CHRNA7: variants seen among roughly 807,000 people sequenced by gnomAD.
The protein encoded by CHRNA7 is neuronal acetylcholine receptor subunit alpha-7.
A neutral mutation model predicts 48.0 loss-of-function variants in CHRNA7; 17 were observed. The observed-to-expected ratio is 0.35, with a 90% CI of 0.24 to 0.53. CHRNA7 has a LOEUF of 0.53. Among genes scored for constraint, CHRNA7 ranks in the 20% least tolerant of loss-of-function variants. The pLI is 0.92. For synonymous variants in CHRNA7, 75 were observed against 242.3 expected, an observed-to-expected ratio of 0.31 and a Z score of 6.41; for missense variants, 155 against 577.7, an observed-to-expected ratio of 0.27 and a Z score of 7.50.
chr15:32,039,772 A>G (rs2049414340), intron 2 of CHRNA7, among the ~76,000 whole-genome samples: 2 of 152,082 alleles, frequency 1.3e-5, no homozygotes, highest in Admixed American at 1.3e-4. Context: ...CAATTGATGG[A>G]CAATGTTTTG....
rs1902169743 is a variant in CHRNA7 at position 32,037,899 on chromosome 15, A to G, written c.195+6862A>G. 6.6e-5 allele frequency among the ~76,000 whole-genome samples: 10 copies of G among 150,678 alleles called. No homozygotes were observed. The Admixed American group carries it at 6.6e-4, about 10-fold the overall frequency. The stretch of plus-strand genomic sequence containing the variant: ...TTTTTTCCCAGTCTATATACTTTTT[A>G]TTTCCTTTTTCTTGTCCTTTTGTAT... On this transcript the variant is annotated intron_variant, in intron 2 of 9. Coordinates refer to ENST00000306901, the MANE Select transcript of CHRNA7 (RefSeq NM_000746.6).
At chr15:32,047,293 C>T (rs1036036490) in intron 2 of CHRNA7, among the ~76,000 whole-genome samples, 1 of 148,226 alleles carries the variant, frequency 6.7e-6, no homozygotes, top group African/African-American at 2.6e-5. Flanking sequence ...TTGATTCCTC[C>T]TACCCATGAG....
In CHRNA7 at chr15:32,105,454, AGAG is replaced by A. The variant is rs986642516; in HGVS notation, c.240+4116_240+4118del. On this transcript the variant is annotated intron_variant, in intron 3 of 9. Transcript: ENST00000306901. The stretch of plus-strand genomic sequence containing the variant: ...GAAAAGAGGCGGAGGAGAAGGAGGA[AGAG>A]GAGGAGGAAGAGGAGGAGAGGAGGA... Among the ~76,000 whole-genome samples, 50 of 150,302 alleles carry A rather than the reference AGAG, an allele frequency of 3.3e-4. 1 individual carries two copies. The highest frequency in any genetic ancestry group is 7.1e-4 in the African/African-American group (29 of 40,576).
In CHRNA7 at chr15:32,031,567, TG is replaced by T. The variant is rs1177360254; in HGVS notation, c.195+533del. On this transcript the variant is annotated intron_variant, in intron 2 of 9. Coordinates refer to ENST00000306901, the MANE Select transcript of CHRNA7 (RefSeq NM_000746.6). ...TTTCACTGTGACCCCATCTTAGGAA[TG>T]GGCATGCTTTGCCTTCCTGGTGAGG... Among the ~76,000 whole-genome samples the T allele has an allele frequency of 2.0e-5, 3 of 152,340 alleles. No homozygotes were observed. In the East Asian group the frequency reaches 5.8e-4, roughly 29 times the overall value.
intron 4 of CHRNA7, among the ~76,000 whole-genome samples, chr15:32,138,136 A>G (rs1046474441): frequency 6.6e-6 from 1 of 152,188 alleles, no homozygotes; most frequent in African/African-American, 2.4e-5. Context: ...ACGAAGGACA[A>G]ATTGGTTTTA....
intron 2 of CHRNA7, among the ~76,000 whole-genome samples, chr15:32,052,917 G>A (rs536910350): frequency 2.0e-5 from 3 of 152,204 alleles, no homozygotes; most frequent in East Asian, 3.9e-4. Flanking sequence ...GTTTGAGGTG[G>A]TAGATACCCC....
chr15:32,083,066 T>C (rs2050240881), intron 2 of CHRNA7, among the ~76,000 whole-genome samples: 1 of 152,192 alleles, frequency 6.6e-6, no homozygotes, highest in African/African-American at 2.4e-5. Context: ...TTCTATAAAA[T>C]ATAAATTAGG....
intron 3 of CHRNA7, among the ~76,000 whole-genome samples, chr15:32,109,982 A>G (rs2050736416): frequency 6.6e-6 from 1 of 152,176 alleles, no homozygotes; most frequent in African/African-American, 2.4e-5. Context: ...CTCTCTGGCC[A>G]TCATTCAGCA....
chr15:32,067,546 A>C (rs979790333), intron 2 of CHRNA7, among the ~76,000 whole-genome samples: 7 of 152,054 alleles, frequency 4.6e-5, no homozygotes, highest in Admixed American at 6.6e-5. Context: ...AAATGAAAGG[A>C]GGGTAATTGG....
At chr15:32,032,578 A>G (rs374902690) in intron 2 of CHRNA7, among the ~76,000 whole-genome samples, 2 of 152,318 alleles carry the variant, frequency 1.3e-5, no homozygotes, top group Admixed American at 1.3e-4. Flanking sequence ...CAGCAGAGCT[A>G]ACACACCCCG....
chr15:32,125,876 A>G (rs1398193728), intron 4 of CHRNA7, among the ~76,000 whole-genome samples: 1 of 152,122 alleles, frequency 6.6e-6, no homozygotes, highest in East Asian at 1.9e-4. Flanking sequence ...GATGGAAACT[A>G]GGAGGTATTT....
intron 4 of CHRNA7, among the ~76,000 whole-genome samples, chr15:32,114,089 TACACACACAC>T (rs1287180293): frequency 1.5e-5 from 2 of 137,212 alleles, no homozygotes; most frequent in Non-Finnish European, 3.1e-5. Context: ...CATACATACA[TACACACACAC>T]ATATACACAC....
intron 4 of CHRNA7, among the ~76,000 whole-genome samples, chr15:32,148,905 T>C (rs2051553242): frequency 6.6e-6 from 1 of 152,236 alleles, no homozygotes; most frequent in Non-Finnish European, 1.5e-5. Flanking sequence ...GAGCTCTGGC[T>C]ATCCTTTAAA....
intron 2 of CHRNA7, among the ~76,000 whole-genome samples, chr15:32,053,864 A>G (rs2337506): frequency 0.6 from 91,994 of 152,138 alleles, 31,804 homozygotes; most frequent in Non-Finnish European, 0.77. Context: ...GTCAGCTCGT[A>G]GGTGTAGGAG....
At chr15:32,030,855 C>G in intron 1 of CHRNA7, 43 bp from the exon 2 acceptor site, 1 of 1,597,632 alleles carries the variant, frequency 6.3e-7, no homozygotes, top group Non-Finnish European at 8.5e-7. Context: ...GGTACCCCCG[C>G]CGGCCTGCCC....
At chr15:32,086,682 C>A (rs995380491) in intron 2 of CHRNA7, among the ~76,000 whole-genome samples, 1 of 152,164 alleles carries the variant, frequency 6.6e-6, no homozygotes, top group Non-Finnish European at 1.5e-5. Flanking sequence ...TTAGGCTCCT[C>A]TTCATTGTAA....
At chr15:32,041,400 G>A (rs556487775) in intron 2 of CHRNA7, among the ~76,000 whole-genome samples, 3 of 152,128 alleles carry the variant, frequency 2.0e-5, no homozygotes, top group Non-Finnish European at 4.4e-5. Context: ...CATAAGGAGC[G>A]TGCAACCTAG....
At chr15:32,043,975 A>G (rs2049491821) in intron 2 of CHRNA7, among the ~76,000 whole-genome samples, 1 of 152,166 alleles carries the variant, frequency 6.6e-6, no homozygotes, top group African/African-American at 2.4e-5. Context: ...TTTTATATAC[A>G]GCATAGTGTC....
intron 4 of CHRNA7, among the ~76,000 whole-genome samples, chr15:32,113,144 A>G (rs2050791257): frequency 2.6e-5 from 4 of 152,220 alleles, no homozygotes; most frequent in Admixed American, 2.0e-4. Flanking sequence ...CCCTGTCACA[A>G]TTGTGGAGGC....
Sources: allele counts gnomAD v4.1 joint callset (sites outside exome capture counted in the v4.1 genomes callset), GRCh38; gene constraint gnomAD v4.1.1; transcripts MANE v1.5; gene names NCBI Gene and HGNC (gene_info 2026-07-23, HGNC 2026-07-21).